CALU: variants seen among roughly 807,000 people sequenced by gnomAD.
CALU encodes IEF SSP 9302.
A neutral mutation model predicts 37.5 loss-of-function variants in CALU; 13 were observed. The ratio of observed to expected loss-of-function variants is 0.35; its 90% CI spans 0.23 to 0.55. CALU has a LOEUF of 0.55. Among genes scored for constraint, CALU ranks in the 20% least tolerant of loss-of-function variants. CALU has a pLI of 0.89. For synonymous variants in CALU, 114 were observed against 133.8 expected, an observed-to-expected ratio of 0.85 and a Z score of 1.02; for missense variants, 282 against 391.7, an observed-to-expected ratio of 0.72 and a Z score of 2.36.
intron 5 of CALU, among the ~76,000 whole-genome samples, chr7:128,766,465 G>T (rs1285352097): frequency 3.5e-5 from 4 of 113,308 alleles, no homozygotes; most frequent in Non-Finnish European, 5.0e-5. Flanking sequence ...GTCTTGCTCT[G>T]TCGCCCAGGC....
rs527560095 is a variant in CALU, at chr7:128,764,989, ACAG to A, written c.644-2462_644-2460del. On this transcript the variant is annotated intron_variant, in intron 5 of 6. Transcript: ENST00000249364. ...CATGTTGGTGTGCAGTGGCACAATC[ACAG>A]CAGCCTCGATCTCCAAGGTGGGGAG... Among the ~76,000 whole-genome samples, 730 of 152,278 alleles carry A rather than the reference ACAG, an allele frequency of 4.8e-3. 9 individuals are homozygous for A. Among genetic ancestry groups the A allele is most frequent in the African/African-American group, 0.017 (697 of 41,556 alleles).
intron 6 of CALU, 91 bp downstream of exon 6, chr7:128,767,746 A>C (rs1801392510): frequency 9.4e-7 from 1 of 1,067,162 alleles, no homozygotes. Context: ...TGCATAGAGC[A>C]TTTAAGGTCT....
chr7:128,752,658 A>G (rs1024581215), intron 2 of CALU, among the ~76,000 whole-genome samples: 2 of 152,218 alleles, frequency 1.3e-5, no homozygotes, highest in Non-Finnish European at 2.9e-5. Context: ...CCTTATGTCT[A>G]TGTAGATAGA....
intron 3 of CALU, chr7:128,754,842 C>T: frequency 2.2e-6 from 1 of 450,596 alleles, no homozygotes; most frequent in Non-Finnish European, 3.9e-6. Flanking sequence ...TAAGCTGATT[C>T]CCTTTATTAA....
At chr7:128,751,874 A>G (rs1267906598) in intron 2 of CALU, among the ~76,000 whole-genome samples, 1 of 152,202 alleles carries the variant, frequency 6.6e-6, no homozygotes, top group African/African-American at 2.4e-5. Context: ...GGTATGTGCT[A>G]CCTCCTAAAA....
At chr7:128,750,283 C>T (rs1473995936) in intron 2 of CALU, among the ~76,000 whole-genome samples, 1 of 151,312 alleles carries the variant, frequency 6.6e-6, no homozygotes, top group East Asian at 1.9e-4. Context: ...TCATGTCATG[C>T]CCATTAATAT....
chr7:128,758,053 C>T (rs897631938), intron 3 of CALU, among the ~76,000 whole-genome samples: 18 of 146,652 alleles, frequency 1.2e-4, no homozygotes, highest in African/African-American at 3.4e-4. Flanking sequence ...ATATCCATTA[C>T]CCCCCCAACA....
At chr7:128,755,613 T>C (rs748275865) in intron 3 of CALU, among the ~76,000 whole-genome samples, 23 of 152,194 alleles carry the variant, frequency 1.5e-4, no homozygotes, top group Non-Finnish European at 3.4e-4. Flanking sequence ...AAATGTTAAT[T>C]TGATTGCTTT....
At chr7:128,766,434 T>C (rs1171531940) in intron 5 of CALU, among the ~76,000 whole-genome samples, 1 of 144,954 alleles carries the variant, frequency 6.9e-6, no homozygotes, top group African/African-American at 2.6e-5. Context: ...TCTTTTTTTT[T>C]TTTTTTTTTT....
chr7:128,748,845 A>G (rs1800549439), intron 2 of CALU, 41 bp downstream of exon 2: 1 of 1,345,206 alleles, frequency 7.4e-7, no homozygotes, highest in Non-Finnish European at 1.1e-6. Flanking sequence ...GGGTAATGAC[A>G]TTCTTTATAA....
chr7:128,773,044 A>G lies in CALU; in HGVS notation c.*3877A>G, dbSNP rs1353640447. ...CTACCTCTGGGATTGAGGAAACAAT[A>G]CCATCTGAAAGTAGGGTTTTTGCCA... On this transcript the variant is annotated 3_prime_UTR_variant, in exon 7 of 7. Transcript: ENST00000249364. Among the ~76,000 whole-genome samples the G allele has an allele frequency of 6.6e-6, 1 of 152,200 alleles. No homozygotes were observed. Among genetic ancestry groups the G allele is most frequent in the African/African-American group, 2.4e-5 (1 of 41,440 alleles).
rs562239768 is a variant in CALU, at chr7:128,759,078, C to CT, written c.582+46dup. 2,193 of 1,508,448 alleles carry CT rather than the reference C, an allele frequency of 1.5e-3. 1 individual carries two copies. Among genetic ancestry groups the CT allele is most frequent in the Non-Finnish European group, 1.8e-3 (2,028 of 1,100,012 alleles). 93.4% of individuals were successfully genotyped at this position (1,508,448 alleles called of 1,614,324 possible). ...GATTCTGAACAGGGACTCAGTTTCT[C>CT]TTTTTGTGGCTTATTCTGTCTTTCC... On this transcript the variant is annotated intron_variant, in intron 4 of 6. Coordinates refer to ENST00000249364, the MANE Select transcript of CALU (RefSeq NM_001219.5).
At chr7:128,750,120 T>C (rs1800606693) in intron 2 of CALU, among the ~76,000 whole-genome samples, 1 of 148,572 alleles carries the variant, frequency 6.7e-6, no homozygotes, top group African/African-American at 2.5e-5. Context: ...CCCAGCTACT[T>C]GGGAGGCTGA....
At position 128,740,877 on chromosome 7, in the gene CALU, C is replaced by A. The variant is rs148319341; in HGVS notation, c.-12+1445C>A. Among the ~76,000 whole-genome samples, 97 of 152,300 alleles carry A rather than the reference C, an allele frequency of 6.4e-4. 1 individual carries two copies. Among genetic ancestry groups the A allele is most frequent in the African/African-American group, 2.2e-3 (92 of 41,552 alleles). ...ATATCCATTAGAGCAGTATTGGGATCTATATATTGGTGTTATTTTTTAAAA... is the reference window on the plus strand; with the variant it reads ...ATATCCATTAGAGCAGTATTGGGATATATATATTGGTGTTATTTTTTAAAA... On this transcript the variant is annotated intron_variant, in intron 1 of 6. Coordinates refer to ENST00000249364, the MANE Select transcript of CALU (RefSeq NM_001219.5).
At chr7:128,741,534 T>C (rs1800240512) in intron 1 of CALU, among the ~76,000 whole-genome samples, 1 of 152,208 alleles carries the variant, frequency 6.6e-6, no homozygotes, top group Non-Finnish European at 1.5e-5. Flanking sequence ...ACGAGTTTTA[T>C]AGAAGTTTAG....
At chr7:128,765,949 C>A (rs1010819535) in intron 5 of CALU, among the ~76,000 whole-genome samples, 3 of 152,102 alleles carry the variant, frequency 2.0e-5, no homozygotes, top group Non-Finnish European at 4.4e-5. Context: ...AATCTATCAT[C>A]AAAAATTATG....
chr7:128,770,807 G>A lies in CALU; in HGVS notation c.*1640G>A, dbSNP rs1340464739. 2 of 152,568 alleles carry A rather than the reference G, an allele frequency of 1.3e-5. No homozygotes were observed. Among genetic ancestry groups the A allele is most frequent in the Non-Finnish European group, 2.9e-5 (2 of 68,024 alleles). The allele number at this position is 152,568 out of a possible 1,614,324, so 9.5% of individuals were successfully genotyped here. On this transcript the variant is annotated 3_prime_UTR_variant, in exon 7 of 7. Coordinates refer to ENST00000249364, the MANE Select transcript of CALU (RefSeq NM_001219.5). ...CCTCAGGTTACCAAGATAAATATAT[G>A]TATATATAACCTTTATTATTGCTAT...
intron 5 of CALU, among the ~76,000 whole-genome samples, 197 bp from the exon 6 acceptor site, chr7:128,767,259 A>G (rs1168460865): frequency 6.6e-6 from 1 of 152,218 alleles, no homozygotes; most frequent in African/African-American, 2.4e-5. Flanking sequence ...GCAGCTGGAA[A>G]TATTCTTGTT....
At chr7:128,748,399 T>C in intron 1 of CALU, 174 bp from the exon 2 acceptor site, 3 of 1,445,590 alleles carry the variant, frequency 2.1e-6, no homozygotes, top group Non-Finnish European at 2.8e-6. Flanking sequence ...AATTGAAGAG[T>C]CTGATATTCC....
Sources: gnomAD v4.1 joint callset for allele counts (sites outside exome capture counted in the v4.1 genomes callset) on GRCh38, gnomAD v4.1.1 for gene constraint, MANE v1.5 for transcripts, NCBI Gene and HGNC (gene_info 2026-07-23, HGNC 2026-07-21) for gene names.